The following BANK1 variants were observed in gnomAD, a reference collection of about 807,000 sequenced individuals.
The protein encoded by BANK1 is B cell scaffold protein with ankyrin repeats 1, also known as B-cell scaffold protein with ankyrin repeats.
BANK1 carries 95 observed loss-of-function variants against 94.5 expected under a neutral mutation model. The observed-to-expected ratio is 1.00, with a 90% CI of 0.85 to 1.19. BANK1 has a LOEUF of 1.19. Among genes scored for constraint, BANK1 ranks in the 50% most tolerant of loss-of-function variants. The pLI, the probability that BANK1 is intolerant of heterozygous loss-of-function variation, is 0.00. For synonymous variants in BANK1, 334 were observed against 308.4 expected (o/e 1.08, Z -0.87); for missense variants, 987 against 932.2 (o/e 1.06, Z -0.77).
intron 7 of BANK1, among the ~76,000 whole-genome samples, chr4:102,003,684 A>T (rs1253960696): frequency 6.6e-6 from 1 of 152,140 alleles, no homozygotes; most frequent in Non-Finnish European, 1.5e-5. Context: ...AAGGAGAGAG[A>T]ACATAAATAT....
chr4:102,058,885 G>A (rs973947758), intron 11 of BANK1, among the ~76,000 whole-genome samples: 2 of 152,076 alleles, frequency 1.3e-5, no homozygotes, highest in African/African-American at 2.4e-5. Context: ...ATTGGCCACA[G>A]AGAAATTTTC....
intron 7 of BANK1, among the ~76,000 whole-genome samples, chr4:101,973,068 G>A (rs561550644): frequency 6.6e-6 from 1 of 151,544 alleles, no homozygotes; most frequent in East Asian, 1.9e-4. Flanking sequence ...TTTTTTTTTA[G>A]CTCTATTACC....
intron 7 of BANK1, among the ~76,000 whole-genome samples, chr4:101,996,520 G>A: frequency 6.6e-6 from 1 of 152,150 alleles, no homozygotes; most frequent in Admixed American, 6.5e-5. Context: ...ACTTTGGGCA[G>A]TATGACCATT....
At chr4:102,028,194 G>A (rs766964647) in intron 9 of BANK1, among the ~76,000 whole-genome samples, 14 of 152,330 alleles carry the variant, frequency 9.2e-5, no homozygotes, top group Non-Finnish European at 1.8e-4. Flanking sequence ...GTTCATAAAC[G>A]TAAGATGGTT....
At chr4:101,963,500 AT>A (rs369966623) in intron 7 of BANK1, among the ~76,000 whole-genome samples, 113 of 152,198 alleles carry the variant, frequency 7.4e-4, no homozygotes, top group African/African-American at 2.6e-3. Flanking sequence ...TTGTTTACAC[AT>A]ATGCCATTTT....
chr4:101,915,375 T>G (rs1030231266), intron 6 of BANK1, among the ~76,000 whole-genome samples: 2 of 152,180 alleles, frequency 1.3e-5, no homozygotes, highest in Non-Finnish European at 2.9e-5. Context: ...AGATAAATAT[T>G]AAGTTTTAGA....
intron 7 of BANK1, among the ~76,000 whole-genome samples, chr4:102,007,633 A>C (rs1248035687): frequency 6.6e-6 from 1 of 152,132 alleles, no homozygotes; most frequent in African/African-American, 2.4e-5. Flanking sequence ...CATCTATCAG[A>C]AAATAGCTAA....
Position 102,030,133 on chromosome 4 carries a change from A to G in BANK1, c.1768A>G (p.Met590Val). 1.9e-6 allele frequency: 3 copies of G among 1,614,080 alleles called. No individual in the cohort carries two copies. The highest frequency in any genetic ancestry group is 1.1e-5 in the South Asian group (1 of 91,074). Residue 590 changes from methionine to valine, a missense_variant, in exon 10 of 17, where the codon ATG (methionine) becomes GTG (valine). By Grantham distance (21) the Met-to-Val change is conservative. Transcript: ENST00000322953. ...FAEIDDSEYDMILANLSIKKK... is the reference protein window; with the variant it reads ...FAEIDDSEYDVILANLSIKKK... ...TGAGATTGATGACAGTGAATATGAC[A>G]TGATATTGGCCAATCTGAGTATAAA...
intron 7 of BANK1, among the ~76,000 whole-genome samples, chr4:101,953,263 G>A (rs943005900): frequency 1.3e-5 from 2 of 152,124 alleles, no homozygotes; most frequent in Non-Finnish European, 1.5e-5. Flanking sequence ...AGTAGTGGAC[G>A]AAATGTTCCC....
At chr4:102,041,768 C>T (rs897063954) in intron 10 of BANK1, among the ~76,000 whole-genome samples, 3 of 151,888 alleles carry the variant, frequency 2.0e-5, no homozygotes, top group Admixed American at 6.6e-5. Flanking sequence ...GGTGAAATCG[C>T]GACAATAAAT....
At chr4:102,039,005 G>T (rs1464949382) in intron 10 of BANK1, among the ~76,000 whole-genome samples, 1 of 152,108 alleles carries the variant, frequency 6.6e-6, no homozygotes, top group Admixed American at 6.6e-5. Flanking sequence ...GCAGCAGTGT[G>T]TTTTCCACCT....
intron 7 of BANK1, among the ~76,000 whole-genome samples, chr4:101,993,336 T>C (rs1357800170): frequency 6.6e-6 from 1 of 152,178 alleles, no homozygotes; most frequent in Non-Finnish European, 1.5e-5. Context: ...CAGTAGCTTT[T>C]TGGCAATTTA....
chr4:101,990,847 G>T (rs1725680764), intron 7 of BANK1, among the ~76,000 whole-genome samples: 1 of 152,108 alleles, frequency 6.6e-6, no homozygotes, highest in Non-Finnish European at 1.5e-5. Context: ...ACATAAAATT[G>T]AGATGATGAT....
chr4:101,850,767 G>T (rs755740967), intron 2 of BANK1, among the ~76,000 whole-genome samples: 34 of 152,186 alleles, frequency 2.2e-4, no homozygotes, highest in Non-Finnish European at 4.1e-4. Context: ...CATTATGTCT[G>T]TTGTGGTGAT....
intron 7 of BANK1, among the ~76,000 whole-genome samples, chr4:102,015,092 CTA>C (rs1726648580): frequency 6.6e-6 from 1 of 151,986 alleles, no homozygotes; most frequent in Non-Finnish European, 1.5e-5. Flanking sequence ...GTAGACATAA[CTA>C]TGTGGCTTTT....
At chr4:102,060,498 C>G in intron 12 of BANK1, 109 bp downstream of exon 12, 1 of 1,169,574 alleles carries the variant, frequency 8.6e-7, no homozygotes, top group Admixed American at 2.7e-5. Context: ...TCATTTTTAA[C>G]TAGCCACTAA....
intron 5 of BANK1, among the ~76,000 whole-genome samples, chr4:101,894,315 A>G (rs1375237332): frequency 6.6e-6 from 1 of 152,050 alleles, no homozygotes. Flanking sequence ...GGGTTTTGTT[A>G]TGCATTACAT....
chr4:101,887,400 C>T (rs774965858), intron 5 of BANK1, among the ~76,000 whole-genome samples: 1 of 152,158 alleles, frequency 6.6e-6, no homozygotes, highest in Non-Finnish European at 1.5e-5. Context: ...GTCACATCTC[C>T]TTATTGCTAG....
chr4:101,915,058 C>G (rs1722784581), intron 6 of BANK1, among the ~76,000 whole-genome samples: 1 of 152,036 alleles, frequency 6.6e-6, no homozygotes, highest in South Asian at 2.1e-4. Flanking sequence ...TGGGAAAGTG[C>G]CTTAAGGTGT....
Sources: allele counts gnomAD v4.1 joint callset (sites outside exome capture counted in the v4.1 genomes callset), GRCh38; gene constraint gnomAD v4.1.1; transcripts MANE v1.5; gene names NCBI Gene and HGNC (gene_info 2026-07-23, HGNC 2026-07-21).